BCAS4: variants seen among roughly 807,000 people sequenced by gnomAD.
BCAS4 encodes breast carcinoma-amplified sequence 4.
In BCAS4, 9 loss-of-function variants were observed where a neutral mutation model predicts 15.7. The ratio of observed to expected loss-of-function variants is 0.57; its 90% CI spans 0.34 to 1.00. The LOEUF (loss-of-function observed/expected upper bound fraction) is 1.00. Ranked by LOEUF, BCAS4 falls within the 50% of genes least tolerant of loss-of-function variation. BCAS4 has a pLI of 0.02. For missense variants in BCAS4, 225 were observed against 239.1 expected (o/e 0.94, Z 0.39); for synonymous variants, 101 against 99.5 (o/e 1.02, Z -0.09).
chr20:50,814,816 G>A (rs1035760707), intron 1 of BCAS4, among the ~76,000 whole-genome samples: 9 of 152,236 alleles, frequency 5.9e-5, no homozygotes, highest in South Asian at 2.1e-4. Flanking sequence ...ATTCTATGGC[G>A]AAAGAGATTG....
intron 1 of BCAS4, among the ~76,000 whole-genome samples, chr20:50,796,211 C>A (rs188869922): frequency 1.3e-5 from 2 of 150,506 alleles, no homozygotes; most frequent in East Asian, 2.0e-4. Flanking sequence ...GGTGAAACCC[C>A]GTCTCTACTA....
chr20:50,827,836 C>G (rs1039874932), intron 2 of BCAS4, among the ~76,000 whole-genome samples: 2 of 152,172 alleles, frequency 1.3e-5, no homozygotes, highest in African/African-American at 4.8e-5. Context: ...AAGCGATTCT[C>G]CTGCCTCAGC....
intron 1 of BCAS4, among the ~76,000 whole-genome samples, chr20:50,800,223 C>T (rs150856209): frequency 1.4e-3 from 209 of 152,218 alleles, no homozygotes; most frequent in Middle Eastern, 6.8e-3. Flanking sequence ...GCAGCATTGT[C>T]TTAGGATGAG....
chr20:50,863,175 G>A (rs1255136275), intron 4 of BCAS4, among the ~76,000 whole-genome samples: 5 of 151,530 alleles, frequency 3.3e-5, no homozygotes, highest in African/African-American at 1.2e-4. Context: ...ATCAGGAACT[G>A]GGCTCCTTAG....
intron 4 of BCAS4, among the ~76,000 whole-genome samples, chr20:50,873,775 A>G (rs1422155246): frequency 6.6e-6 from 1 of 152,228 alleles, no homozygotes; most frequent in African/African-American, 2.4e-5. Flanking sequence ...TCCCCTGAGC[A>G]GGCTGAGCCA....
intron 4 of BCAS4, among the ~76,000 whole-genome samples, chr20:50,871,305 G>A (rs1026814764): frequency 9.9e-5 from 15 of 152,192 alleles, no homozygotes; most frequent in Non-Finnish European, 2.2e-4. Flanking sequence ...AAGAGAGAAC[G>A]GGTGTGAAAG....
At chr20:50,816,132 C>T (rs2088134166) in intron 1 of BCAS4, among the ~76,000 whole-genome samples, 1 of 132,996 alleles carries the variant, frequency 7.5e-6, no homozygotes, top group Admixed American at 7.9e-5. Context: ...TTCAAGCAGT[C>T]CTCCTGCCTC....
chr20:50,847,808 C>T (rs2088564522), intron 4 of BCAS4, among the ~76,000 whole-genome samples: 1 of 152,094 alleles, frequency 6.6e-6, no homozygotes, highest in Non-Finnish European at 1.5e-5. Flanking sequence ...TTTGGGAGGC[C>T]TAGGTGGGTG....
chr20:50,848,057 CAAA>C (rs201988435), intron 4 of BCAS4, among the ~76,000 whole-genome samples: 5 of 149,522 alleles, frequency 3.3e-5, no homozygotes, highest in African/African-American at 1.2e-4. Flanking sequence ...GCAACAACAA[CAAA>C]AAAAAACAGA....
chr20:50,847,334 A>C (rs2088558660), intron 4 of BCAS4, among the ~76,000 whole-genome samples: 1 of 152,020 alleles, frequency 6.6e-6, no homozygotes, highest in South Asian at 2.1e-4. Flanking sequence ...TGATCCACCC[A>C]CCTCGGCCTC....
At chr20:50,855,914 A>G (rs1323861372) in intron 4 of BCAS4, among the ~76,000 whole-genome samples, 1 of 152,224 alleles carries the variant, frequency 6.6e-6, no homozygotes, top group Non-Finnish European at 1.5e-5. Context: ...GATAATAACA[A>G]GGTGGGCTGC....
At chr20:50,796,207 AC>A in intron 1 of BCAS4, among the ~76,000 whole-genome samples, 1 of 150,852 alleles carries the variant, frequency 6.6e-6, no homozygotes, top group South Asian at 2.1e-4. Flanking sequence ...ACATGGTGAA[AC>A]CCCGTCTCTA....
intron 1 of BCAS4, among the ~76,000 whole-genome samples, chr20:50,802,900 G>A (rs553755369): frequency 4.0e-5 from 6 of 150,228 alleles, no homozygotes; most frequent in African/African-American, 1.5e-4. Context: ...AAAACACGTT[G>A]GCTGGCCATG....
chr20:50,816,769 CAT>C (rs1325941270), intron 1 of BCAS4, among the ~76,000 whole-genome samples: 6,342 of 144,838 alleles, frequency 0.044, no homozygotes, highest in Admixed American at 0.053. Flanking sequence ...GGACTACAGA[CAT>C]GCACCACCAT....
chr20:50,868,300 CAA>C (rs775366005), intron 4 of BCAS4, among the ~76,000 whole-genome samples: 2 of 152,322 alleles, frequency 1.3e-5, no homozygotes, highest in East Asian at 1.9e-4. Context: ...CAGCCCTACT[CAA>C]GAGAGGAGGG....
intron 4 of BCAS4, among the ~76,000 whole-genome samples, chr20:50,874,281 C>A (rs1979807407): frequency 6.6e-6 from 1 of 152,188 alleles, no homozygotes; most frequent in Admixed American, 6.5e-5. Flanking sequence ...CCGCAGCCCC[C>A]ACACTCCACC....
At chr20:50,865,228 T>C (rs1416083619) in intron 4 of BCAS4, among the ~76,000 whole-genome samples, 1 of 152,016 alleles carries the variant, frequency 6.6e-6, no homozygotes, top group Non-Finnish European at 1.5e-5. Context: ...GCACAAACCA[T>C]CAATTGAAGG....
intron 4 of BCAS4, among the ~76,000 whole-genome samples, chr20:50,862,416 C>T (rs1259286253): frequency 5.3e-5 from 8 of 152,334 alleles, no homozygotes; most frequent in South Asian, 2.1e-4. Flanking sequence ...ACCATCCATC[C>T]CTTTTCACTC....
intron 3 of BCAS4, among the ~76,000 whole-genome samples, chr20:50,836,963 C>T (rs992234385): frequency 6.6e-6 from 1 of 152,124 alleles, no homozygotes; most frequent in African/African-American, 2.4e-5. Flanking sequence ...CCACTTTGGC[C>T]TCTCAAAGTG....
Sources: allele counts gnomAD v4.1 joint callset (sites outside exome capture counted in the v4.1 genomes callset), GRCh38; gene constraint gnomAD v4.1.1; transcripts MANE v1.5; gene names NCBI Gene and HGNC (gene_info 2026-07-23, HGNC 2026-07-21).